Variants in FOXP3 observed in about 807,000 individuals in gnomAD.
The protein encoded by FOXP3 is forkhead box protein P3.
A neutral mutation model predicts 31.2 loss-of-function variants in FOXP3; 5 were observed. That is an observed-to-expected ratio of 0.16 (90% CI 0.08 to 0.34). FOXP3 has a LOEUF of 0.34. Ranked by LOEUF, FOXP3 falls within the 10% of genes least tolerant of loss-of-function variation. FOXP3 has a pLI of 1.00. For synonymous variants in FOXP3, 141 were observed against 148.8 expected (o/e 0.95, Z 0.38); for missense variants, 251 against 363.0 (o/e 0.69, Z 2.51).
intron 6 of FOXP3, among the ~76,000 whole-genome samples, chrX:49,256,220 AAG>A (rs782303757): frequency 0.019 from 1,248 of 66,795 alleles, 37 homozygotes; most frequent in East Asian, 0.044. Flanking sequence ...GAGAGAGAGA[AAG>A]AGAGAGAGAG....
At position 49,253,206 on chromosome X, in the gene FOXP3, T is replaced by A; in HGVS notation, c.968-4A>T. ...TAGTCCATGTTGTGGAGGAACTCTG[T>A]CAGAGGGTGGGGATGAATCAAGCCC... On this transcript the variant is annotated splice_polypyrimidine_tract_variant and splice_region_variant and intron_variant, in intron 9 of 11. Coordinates refer to ENST00000376207, the MANE Select transcript of FOXP3 (RefSeq NM_014009.4). 1 of 1,205,880 alleles carries A rather than the reference T, an allele frequency of 8.3e-7. No individual in the cohort carries two copies.
In FOXP3 at chrX:49,257,781, G is replaced by A. The variant is rs1557116629; in HGVS notation, c.211-13C>T. The A allele has an allele frequency of 8.7e-7, 1 of 1,146,902 alleles. No individual in the cohort carries two copies. The highest frequency in any genetic ancestry group is 2.6e-5 in the Admixed American group (1 of 38,841). 94.5% of individuals were successfully genotyped at this position (1,146,902 alleles called of 1,213,427 possible). ...GCAGTGTGGGCAGCTGGGCAGAAAG[G>A]CAGGTGGGTGAGAGGCCATCCTGAT... On this transcript the variant is annotated splice_polypyrimidine_tract_variant and intron_variant, in intron 2 of 11. Transcript: ENST00000376207.
Position 49,250,468 on chromosome X carries a change from G to T in FOXP3, c.*866C>A. 1 of 498,196 alleles carries T rather than the reference G, an allele frequency of 2.0e-6. No individual in the cohort carries two copies. The highest frequency in any genetic ancestry group is 3.6e-6 in the Non-Finnish European group (1 of 276,464). The allele number at this position is 498,196 out of a possible 1,213,427, so 41.1% of individuals were successfully genotyped here. On this transcript the variant is annotated 3_prime_UTR_variant, in exon 12 of 12. Transcript: ENST00000376207. ...AGCTCGGCTGCAGTTTATTGGGGAC[G>T]GTACTGTGGGTTGGGGGCCTTGGAT...
At chrX:49,263,173 C>CAAAAA (rs72024386) in intron 1 of FOXP3, among the ~76,000 whole-genome samples, 2 of 59,001 alleles carry the variant, frequency 3.4e-5, no homozygotes, top group Admixed American at 2.3e-4. Flanking sequence ...ACCAGACAAC[C>CAAAAA]AAAAAAAAAA....
At chrX:49,262,106 T>A (rs188415398) in intron 1 of FOXP3, among the ~76,000 whole-genome samples, 1 of 111,763 alleles carries the variant, frequency 8.9e-6, no homozygotes, top group East Asian at 2.8e-4. Flanking sequence ...GTGAGAGACA[T>A]TGAGAGAAAT....
intron 1 of FOXP3, 77 bp downstream of exon 1, chrX:49,264,583 AC>A (rs371684827): frequency 1.1e-5 from 7 of 611,452 alleles, no homozygotes; most frequent in South Asian, 8.6e-5. Context: ...AGGGCCCCTG[AC>A]CCCCCCGCCG....
intron 8 of FOXP3, 66 bp downstream of exon 8, chrX:49,255,363 C>T (rs1488616087): frequency 1.1e-5 from 12 of 1,059,773 alleles, no homozygotes; most frequent in African/African-American, 3.7e-5. Context: ...TTCCCTGCAC[C>T]GTGCAGACCT....
intron 1 of FOXP3, among the ~76,000 whole-genome samples, chrX:49,261,670 G>A (rs1024066265): frequency 1.8e-5 from 2 of 112,320 alleles, no homozygotes; most frequent in African/African-American, 3.2e-5. Context: ...CACTGTGATC[G>A]TGGATCGTCC....
intron 6 of FOXP3, among the ~76,000 whole-genome samples, chrX:49,256,133 A>G (rs1557116265): frequency 9.2e-6 from 1 of 108,645 alleles, no homozygotes; most frequent in African/African-American, 3.4e-5. Context: ...GCCTGGCTGC[A>G]AGGAGGACAG....
At chrX:49,262,964 C>G (rs1557117365) in intron 1 of FOXP3, among the ~76,000 whole-genome samples, 1 of 111,196 alleles carries the variant, frequency 9.0e-6, no homozygotes, top group East Asian at 2.8e-4. Flanking sequence ...AAAGACTAAC[C>G]TATTTGACTG....
rs1057520529 is a variant in FOXP3 at position 49,251,440 on chromosome X, C to T, written c.1190G>A (p.Arg397Gln). 2 of 1,212,108 alleles carry T rather than the reference C, an allele frequency of 1.7e-6. No individual in the cohort carries two copies. The highest frequency in any genetic ancestry group is 2.2e-6 in the Non-Finnish European group (2 of 895,558). Residue 397 changes from arginine (R) to glutamine (Q), a missense_variant, in exon 12 of 12, where the codon CGG (arginine) becomes CAG (glutamine). By Grantham distance (43) the Arg-to-Gln change is conservative. This residue lies in a region of FOXP3 where 36 missense variants were observed against 88.1 expected (regional missense o/e 0.41). Transcript: ENST00000376207. ...HNLSLHKCFV[R>Q]VESEKGAVWT... ...CACAGCCCCCTTCTCGCTCTCCACC[C>T]GCACAAAGCACTTGTGCAGACTCAG...
rs1391260200 is a variant in FOXP3, at chrX:49,250,672, G to A, written c.*662C>T. 3.6e-6 allele frequency: 1 copy of A among 275,026 alleles called. No individual in the cohort carries two copies. The highest frequency in any genetic ancestry group is 2.8e-5 in the African/African-American group (1 of 35,845). 22.7% of individuals were successfully genotyped at this position (275,026 alleles called of 1,213,427 possible). On this transcript the variant is annotated 3_prime_UTR_variant, in exon 12 of 12. Transcript: ENST00000376207. ...ACTGGGGGGCTGTGCGTGTGCATAT[G>A]CGTGAGATACACAGGTGAATTCTAA...
Position 49,257,472 on chromosome X carries a change from C to T in FOXP3, c.409G>A (p.Ala137Thr), listed in dbSNP as rs1057524899. The T allele has an allele frequency of 4.4e-6, 5 of 1,148,685 alleles. No homozygotes were observed. Among genetic ancestry groups the T allele is most frequent in the Non-Finnish European group, 4.6e-6 (4 of 862,818 alleles). The allele number at this position is 1,148,685 out of a possible 1,213,427, so 94.7% of individuals were successfully genotyped here. A position where few individuals can be genotyped will look rare whatever the true frequency, so the allele number is the denominator to read the frequency against. Residue 137 changes from alanine to threonine, a missense_variant, in exon 4 of 12, where the codon GCC becomes ACC. By Grantham distance (58) the Ala-to-Thr change is moderately conservative (BLOSUM62 0). Around this residue, in one of 4 missense-constraint regions of FOXP3, gnomAD observed 152 missense variants for 188.1 expected, o/e 0.81. Coordinates refer to ENST00000376207, the MANE Select transcript of FOXP3 (RefSeq NM_014009.4). ...GCCTTGAGGGAGAAGACCCCAGTGG[C>T]GGTGGTGGGTGGTGTGAGGCTGATC... Reference protein sequence around the residue: ...AMISLTPPTTATGVFSLKARP... With the variant: ...AMISLTPPTTTTGVFSLKARP...
At position 49,251,481 on chromosome X, in the gene FOXP3, G is replaced by A. The variant is rs782267196; in HGVS notation, c.1149C>T (p.Asn383=). ...FFRNHPATWK[N]AIRHNLSLHK... ...GCAGACTCAGGTTGTGGCGGATGGC[G>A]TTCTGTGGAAGGCCGGGGACAGGGA... The change falls in exon 12 of 12, where the codon AAC becomes AAT. Residue 383 remains asparagine (N), a splice_region_variant and synonymous_variant. Coordinates refer to ENST00000376207, the MANE Select transcript of FOXP3 (RefSeq NM_014009.4). 2.6e-5 allele frequency: 31 copies of A among 1,211,843 alleles called. No homozygotes were observed. The highest frequency in any genetic ancestry group is 4.6e-4 in the Middle Eastern group (2 of 4,355).
At chrX:49,254,141 A>AT (rs1249371853) in intron 8 of FOXP3, 74 bp from the exon 9 acceptor site, 56 of 1,082,063 alleles carry the variant, frequency 5.2e-5, no homozygotes, top group Middle Eastern at 5.1e-4. Flanking sequence ...TATGTTTTTT[A>AT]TTTTTTTTGA....
At chrX:49,256,386 G>T (rs1569529747) in intron 6 of FOXP3, among the ~76,000 whole-genome samples, 1 of 110,507 alleles carries the variant, frequency 9.0e-6, no homozygotes. Flanking sequence ...GGCAAAGCAG[G>T]AGTGCAGATT....
chrX:49,262,305 G>A (rs782455409), intron 1 of FOXP3, among the ~76,000 whole-genome samples: 8 of 112,651 alleles, frequency 7.1e-5, no homozygotes, highest in African/African-American at 9.7e-5. Flanking sequence ...CAGCAAAACA[G>A]TGTGGCCCTG....
In FOXP3 at chrX:49,258,676, G is replaced by GACAC. The variant is rs57734889; in HGVS notation, c.-22-153_-22-150dup. On this transcript the variant is annotated intron_variant, in intron 1 of 11. Coordinates refer to ENST00000376207, the MANE Select transcript of FOXP3 (RefSeq NM_014009.4). ...GCCCCATAGTTGCACCCCAGCTCTA[G>GACAC]ACACACACACACACACACACACACA... The GACAC allele has an allele frequency of 2.4e-3, 869 of 360,095 alleles. 4 individuals are homozygous for GACAC. The highest frequency in any genetic ancestry group is 0.014 in the East Asian group (318 of 23,377). 29.7% of individuals were successfully genotyped at this position (360,095 alleles called of 1,213,427 possible).
At chrX:49,259,982 C>T (rs2066100687) in intron 1 of FOXP3, among the ~76,000 whole-genome samples, 1 of 111,335 alleles carries the variant, frequency 9.0e-6, no homozygotes, top group Non-Finnish European at 1.9e-5. Flanking sequence ...TCCTTCCTTT[C>T]TTTGCTGTCA....
Sources: allele counts gnomAD v4.1 joint callset (sites outside exome capture counted in the v4.1 genomes callset), GRCh38; gene constraint gnomAD v4.1.1; regional missense constraint gnomAD v4.1.1; transcripts MANE v1.5; gene names NCBI Gene and HGNC (gene_info 2026-07-23, HGNC 2026-07-21).